The following ANKRD30B variants were observed in gnomAD, a reference collection of about 807,000 sequenced individuals.
ANKRD30B encodes the protein ankyrin repeat domain 30B, also known as ankyrin repeat domain-containing protein 30B.
A neutral mutation model predicts 202.2 loss-of-function variants in ANKRD30B; 144 were observed. The observed-to-expected ratio is 0.71, with a 90% confidence interval of 0.62 to 0.82. The LOEUF (loss-of-function observed/expected upper bound fraction) is 0.82, where lower values mean the gene tolerates loss of function less well. Among genes scored for constraint, ANKRD30B ranks in the 40% least tolerant of loss-of-function variants. ANKRD30B has a pLI of 0.00. For synonymous variants in ANKRD30B, 508 were observed against 561.3 expected (o/e 0.91, Z 1.34); for missense variants, 1,487 against 1,669.1 (o/e 0.89, Z 1.90).
chr18:14,903,365 G>T, the ANKRD30B span, among the ~76,000 whole-genome samples: 1 of 152,186 alleles, frequency 6.6e-6, no homozygotes, highest in African/African-American at 2.4e-5. Flanking sequence ...GAGGGGAAGA[G>T]GAGATGGGAA....
chr18:14,860,886 A>G, the ANKRD30B span, among the ~76,000 whole-genome samples: 1 of 152,026 alleles, frequency 6.6e-6, no homozygotes, highest in Admixed American at 6.5e-5. Flanking sequence ...GGTATTTTTA[A>G]TAGGGAGTTT....
chr18:14,770,648 T>A (rs1381948082), intron 8 of ANKRD30B, among the ~76,000 whole-genome samples: 4 of 152,144 alleles, frequency 2.6e-5, no homozygotes, highest in Non-Finnish European at 5.9e-5. Flanking sequence ...TGTTGGATTT[T>A]ATGACAAGTT....
intron 30 of ANKRD30B, among the ~76,000 whole-genome samples, chr18:14,815,865 A>G (rs1210052517): frequency 6.6e-6 from 1 of 152,180 alleles, no homozygotes; most frequent in East Asian, 1.9e-4. Context: ...GAATATTGAG[A>G]TGGCTAAGCT....
chr18:14,866,271 T>C, the ANKRD30B span, among the ~76,000 whole-genome samples: 1 of 152,180 alleles, frequency 6.6e-6, no homozygotes, highest in East Asian at 1.9e-4. Flanking sequence ...TGTAACACTG[T>C]GGCTCGTCTC....
At chr18:14,788,556 C>T (rs1444355594) in intron 15 of ANKRD30B, among the ~76,000 whole-genome samples, 2 of 152,082 alleles carry the variant, frequency 1.3e-5, no homozygotes, top group African/African-American at 2.4e-5. Context: ...CCCCCCACCC[C>T]ACAACAGTCC....
rs1555668375 is a variant in ANKRD30B at position 14,831,182 on chromosome 18, A to AAAAAAAAAAC, written c.2775-192_2775-191insCAAAAAAAAA. On this transcript the variant is annotated intron_variant, in intron 33 of 43. Coordinates refer to ENST00000690538, the MANE Select transcript of ANKRD30B (RefSeq NM_001367607.2). ...GCGACAGAGCGAGACTCCGTCTCGGAAAAAAAAAAAAAAAAAAACGAAAAC... is the reference window on the plus strand; with the variant it reads ...GCGACAGAGCGAGACTCCGTCTCGGAAAAAAAAAACAAAAAAAAAAAAAAAAAACGAAAAC... Among the ~76,000 whole-genome samples the AAAAAAAAAAC allele has an allele frequency of 4.1e-4, 28 of 69,110 alleles. 1 individual carries two copies. Among genetic ancestry groups the AAAAAAAAAAC allele is most frequent in the African/African-American group, 2.3e-3 (25 of 10,744 alleles). The allele number at this position is 69,110 out of a possible 152,430, so 45.3% of individuals were successfully genotyped here. A position where few individuals can be genotyped will look rare whatever the true frequency, so the allele number is the denominator to read the frequency against.
intron 9 of ANKRD30B, among the ~76,000 whole-genome samples, chr18:14,777,577 T>G (rs1037948996): frequency 3.3e-5 from 5 of 152,012 alleles, no homozygotes; most frequent in African/African-American, 1.2e-4. Flanking sequence ...ATTACTGGCA[T>G]GAACCACTGC....
intron 1 of ANKRD30B, 70 bp from the exon 2 acceptor site, chr18:14,752,496 A>G (rs1333114815): frequency 1.2e-5 from 14 of 1,148,056 alleles, no homozygotes; most frequent in Admixed American, 5.0e-5. Flanking sequence ...AATGTTTACA[A>G]TTACCTAAAT....
chr18:14,808,594 A>T lies in ANKRD30B; in HGVS notation c.2313+15A>T. The T allele has an allele frequency of 1.3e-6, 2 of 1,571,956 alleles. No individual in the cohort carries two copies. Among genetic ancestry groups the T allele is most frequent in the Non-Finnish European group, 1.7e-6 (2 of 1,148,206 alleles). The stretch of plus-strand genomic sequence containing the variant: ...GTCTTCTGAAGGTAATTACTTTTAT[A>T]TTTCTATGTTGAATATTAACTACAT... On this transcript the variant is annotated intron_variant, in intron 25 of 43. Transcript: ENST00000690538.
At chr18:14,846,629 G>A (rs867458418) in intron 39 of ANKRD30B, among the ~76,000 whole-genome samples, 2 of 151,906 alleles carry the variant, frequency 1.3e-5, no homozygotes, top group African/African-American at 4.8e-5. Context: ...AAATATTTAG[G>A]ACTGTTATGT....
At chr18:14,795,015 TAAC>T (rs1316589694) in intron 16 of ANKRD30B, among the ~76,000 whole-genome samples, 2 of 152,230 alleles carry the variant, frequency 1.3e-5, no homozygotes, top group Middle Eastern at 3.2e-3. Context: ...AACAGTGGCT[TAAC>T]AACTCACATG....
At chr18:14,796,437 T>C (rs761329065) in intron 18 of ANKRD30B, 22 bp downstream of exon 18, 7 of 1,535,448 alleles carry the variant, frequency 4.6e-6, no homozygotes, top group Admixed American at 2.0e-5. Context: ...AATTTAACTT[T>C]TAATCTGTAA....
chr18:14,854,894 G>A (rs921056356), downstream of ANKRD30B, among the ~76,000 whole-genome samples: 11 of 150,302 alleles, frequency 7.3e-5, no homozygotes, highest in Middle Eastern at 6.8e-3. Context: ...CTACCCTTGG[G>A]GTGATGCACT....
intron 32 of ANKRD30B, among the ~76,000 whole-genome samples, chr18:14,826,464 G>A (rs1970661837): frequency 6.6e-6 from 1 of 152,056 alleles, no homozygotes; most frequent in African/African-American, 2.4e-5. Flanking sequence ...GAGTCCAAGA[G>A]GAAATCTCCC....
intron 39 of ANKRD30B, among the ~76,000 whole-genome samples, chr18:14,847,076 ATATATATATATATATATG>A (rs1971677255): frequency 3.0e-5 from 1 of 32,808 alleles, no homozygotes; most frequent in Non-Finnish European, 7.0e-5. Flanking sequence ...ATATATATAT[ATATATATATATATATATG>A]TATAATGTTT....
chr18:14,900,424 C>T, the ANKRD30B span, among the ~76,000 whole-genome samples: 1 of 152,048 alleles, frequency 6.6e-6, no homozygotes, highest in Admixed American at 6.6e-5. Flanking sequence ...TGGCCCTTTT[C>T]TTATGAGGCA....
At chr18:14,845,815 T>C (rs1336395204) in intron 39 of ANKRD30B, among the ~76,000 whole-genome samples, 2 of 152,176 alleles carry the variant, frequency 1.3e-5, no homozygotes, top group Non-Finnish European at 1.5e-5. Context: ...TCATGATTCA[T>C]TGATGCATTC....
the ANKRD30B span, among the ~76,000 whole-genome samples, chr18:14,938,983 T>C: frequency 6.6e-6 from 1 of 152,086 alleles, no homozygotes; most frequent in Non-Finnish European, 1.5e-5. Context: ...GAAAGATAAA[T>C]GGCCACAGGC....
At chr18:14,839,405 G>A (rs1232551342) in intron 36 of ANKRD30B, among the ~76,000 whole-genome samples, 10 of 152,136 alleles carry the variant, frequency 6.6e-5, no homozygotes, top group Admixed American at 1.3e-4. Context: ...ATTCTGAACA[G>A]AGAGGGCAGT....
Sources: gnomAD v4.1 joint callset for allele counts (sites outside exome capture counted in the v4.1 genomes callset) on GRCh38, gnomAD v4.1.1 for gene constraint, MANE v1.5 for transcripts, NCBI Gene and HGNC (gene_info 2026-07-23, HGNC 2026-07-21) for gene names.